Variants in STXBP5 observed in about 807,000 individuals in gnomAD.
STXBP5 encodes the protein syntaxin binding protein 5.
A neutral mutation model predicts 152.4 loss-of-function variants in STXBP5; 50 were observed. That is an observed-to-expected ratio of 0.33 (90% CI 0.26 to 0.42). STXBP5 has a LOEUF of 0.42. Ranked by LOEUF, STXBP5 falls within the 10% of genes least tolerant of loss-of-function variation. The pLI, the probability that STXBP5 is intolerant of heterozygous loss-of-function variation, is 1.00. For synonymous variants in STXBP5, 492 were observed against 494.7 expected (o/e 0.99, Z 0.07); for missense variants, 1,167 against 1,388.6 (o/e 0.84, Z 2.54).
chr6:147,259,396 A>T (rs1779538106), intron 4 of STXBP5, among the ~76,000 whole-genome samples: 1 of 152,186 alleles, frequency 6.6e-6, no homozygotes, highest in African/African-American at 2.4e-5. Context: ...AGACATGTCT[A>T]TACTTGGTTA....
chr6:147,282,253 G>A (rs890422060), intron 8 of STXBP5, among the ~76,000 whole-genome samples: 1 of 152,134 alleles, frequency 6.6e-6, no homozygotes, highest in African/African-American at 2.4e-5. Flanking sequence ...AGTGAAAGAA[G>A]TTTTAGAAAT....
intron 3 of STXBP5, among the ~76,000 whole-genome samples, chr6:147,238,504 C>T (rs571244376): frequency 8.5e-5 from 13 of 152,276 alleles, no homozygotes; most frequent in Admixed American, 3.9e-4. Context: ...TTGCAAACCA[C>T]GTCTAAACCA....
intron 11 of STXBP5, among the ~76,000 whole-genome samples, chr6:147,311,768 A>G (rs1423899552): frequency 6.6e-6 from 1 of 152,152 alleles, no homozygotes; most frequent in Non-Finnish European, 1.5e-5. Flanking sequence ...CACATGATTC[A>G]ACCTGACACT....
chr6:147,224,075 A>G (rs1402832418), intron 2 of STXBP5, among the ~76,000 whole-genome samples: 1 of 152,220 alleles, frequency 6.6e-6, no homozygotes, highest in Non-Finnish European at 1.5e-5. Flanking sequence ...TGGTCAAGAG[A>G]ACGAGCAATA....
At chr6:147,311,118 C>A (rs903405991) in intron 10 of STXBP5, among the ~76,000 whole-genome samples, 1 of 152,086 alleles carries the variant, frequency 6.6e-6, no homozygotes, top group Non-Finnish European at 1.5e-5. Context: ...TATAGTAGAA[C>A]TCTTTTGGGT....
At position 147,223,598 on chromosome 6, in the gene STXBP5, T is replaced by G. The variant is rs1357342003; in HGVS notation, c.249-11652T>G. Among the ~76,000 whole-genome samples, 4 of 152,186 alleles carry G rather than the reference T, an allele frequency of 2.6e-5. No homozygotes were observed. The East Asian group carries it at 7.7e-4, about 29-fold the overall frequency. On this transcript the variant is annotated intron_variant, in intron 2 of 27. Coordinates refer to ENST00000321680, the MANE Select transcript of STXBP5 (RefSeq NM_001127715.4). ...TTATGTCCACAAGGTTTCCCAGTGT[T>G]TCTCAACTATGGCTATACATTAGAA... is the stretch of plus-strand genomic sequence containing the variant.
At chr6:147,298,144 A>C (rs1258336010) in intron 9 of STXBP5, among the ~76,000 whole-genome samples, 1 of 152,100 alleles carries the variant, frequency 6.6e-6, no homozygotes, top group African/African-American at 2.4e-5. Flanking sequence ...TGAAAGTGAA[A>C]GTATGGAAAA....
Position 147,314,611 on chromosome 6 carries a change from A to T in STXBP5, c.1377A>T (p.Ser459=). 6.2e-7 allele frequency: 1 copy of T among 1,609,516 alleles called. No individual in the cohort carries two copies. Among genetic ancestry groups the T allele is most frequent in the Non-Finnish European group, 8.5e-7 (1 of 1,178,296 alleles). Residue 459 remains serine, a synonymous_variant, in exon 14 of 28, where the codon TCA becomes TCT. Coordinates refer to ENST00000321680, the MANE Select transcript of STXBP5 (RefSeq NM_001127715.4). The part of the protein sequence containing the change: ...EIIITGHADG[S]VKFWDASAIT... ...CTTTTCTTAGGCATGCTGATGGGTC[A>T]GTTAAGTTCTGGGATGCTTCTGCAA...
At chr6:147,271,649 T>C (rs1168485254) in intron 7 of STXBP5, among the ~76,000 whole-genome samples, 2 of 152,130 alleles carry the variant, frequency 1.3e-5, no homozygotes, top group African/African-American at 4.8e-5. Flanking sequence ...GTATCCATTA[T>C]AGCATTAAAT....
intron 21 of STXBP5, among the ~76,000 whole-genome samples, chr6:147,343,088 G>A (rs1376838828): frequency 6.6e-6 from 1 of 152,062 alleles, no homozygotes; most frequent in Non-Finnish European, 1.5e-5. Context: ...ACTTAAATGA[G>A]TGCTTTGCCG....
At chr6:147,357,280 G>A (rs539201297) in intron 22 of STXBP5, among the ~76,000 whole-genome samples, 37 of 151,984 alleles carry the variant, frequency 2.4e-4, no homozygotes, top group Non-Finnish European at 5.4e-4. Context: ...ATAGGTAGGA[G>A]AAAAGGCTGA....
chr6:147,288,275 C>T (rs1781095837), intron 8 of STXBP5, among the ~76,000 whole-genome samples: 1 of 152,162 alleles, frequency 6.6e-6, no homozygotes, highest in Non-Finnish European at 1.5e-5. Context: ...TTCCAGGGAG[C>T]TGCAGGTTCA....
intron 8 of STXBP5, among the ~76,000 whole-genome samples, chr6:147,287,272 G>A (rs1029919017): frequency 1.6e-5 from 2 of 127,052 alleles, no homozygotes; most frequent in Non-Finnish European, 3.1e-5. Context: ...GCGGGATCTC[G>A]GCTCACTGCA....
chr6:147,339,296 T>G (rs1048044692), intron 20 of STXBP5, 41 bp from the exon 21 acceptor site: 2 of 1,512,868 alleles, frequency 1.3e-6, no homozygotes, highest in Non-Finnish European at 1.8e-6. Flanking sequence ...TAGTTTACTT[T>G]GACTAGATTT....
intron 1 of STXBP5, among the ~76,000 whole-genome samples, chr6:147,205,372 A>G (rs542420): frequency 7.8e-3 from 184 of 23,470 alleles, no homozygotes; most frequent in African/African-American, 0.016. Context: ...AAAAGTGTGC[A>G]TATATATATA....
chr6:147,211,788 CCAGG>C (rs1197591486), intron 2 of STXBP5, among the ~76,000 whole-genome samples: 2 of 152,086 alleles, frequency 1.3e-5, no homozygotes, highest in African/African-American at 4.8e-5. Context: ...ACCATATTGT[CCAGG>C]CTGGTCTTGA....
chr6:147,287,144 C>G (rs1287965605), intron 8 of STXBP5, among the ~76,000 whole-genome samples: 1 of 144,798 alleles, frequency 6.9e-6, no homozygotes, highest in African/African-American at 2.6e-5. Context: ...AAACATTTAT[C>G]GTTTGAGTTA....
intron 21 of STXBP5, among the ~76,000 whole-genome samples, chr6:147,342,585 C>T (rs532724904): frequency 6.6e-6 from 1 of 152,180 alleles, no homozygotes; most frequent in East Asian, 1.9e-4. Context: ...TTAGTAAAAT[C>T]TTGATTACCA....
At chr6:147,250,789 T>G (rs1779046273) in intron 4 of STXBP5, among the ~76,000 whole-genome samples, 1 of 152,018 alleles carries the variant, frequency 6.6e-6, no homozygotes, top group East Asian at 1.9e-4. Context: ...ATATCAATTT[T>G]TATATCTGTT....
Sources: gnomAD v4.1 joint callset for allele counts (sites outside exome capture counted in the v4.1 genomes callset) on GRCh38, gnomAD v4.1.1 for gene constraint, MANE v1.5 for transcripts, NCBI Gene and HGNC (gene_info 2026-07-23, HGNC 2026-07-21) for gene names.